RABGAP1L: variants seen among roughly 807,000 people sequenced by gnomAD.
RABGAP1L encodes the protein rab GTPase-activating protein 1-like.
A neutral mutation model predicts 137.7 loss-of-function variants in RABGAP1L; 63 were observed. The observed-to-expected ratio is 0.46, with a 90% confidence interval of 0.37 to 0.56. The LOEUF (loss-of-function observed/expected upper bound fraction) is 0.56. RABGAP1L is among the 20% of genes least tolerant of loss of function. The probability of loss-of-function intolerance (pLI) is 0.00; values close to 1 mark genes in which losing one functional copy is unlikely to be tolerated. For synonymous variants in RABGAP1L, 431 were observed against 433.7 expected, an observed-to-expected ratio of 0.99 and a Z score of 0.08; for missense variants, 1,095 against 1,244.0, an observed-to-expected ratio of 0.88 and a Z score of 1.80.
At chr1:174,428,368 C>T (rs1040082608) in intron 13 of RABGAP1L, among the ~76,000 whole-genome samples, 2 of 152,062 alleles carry the variant, frequency 1.3e-5, no homozygotes, top group Admixed American at 1.3e-4. Flanking sequence ...GAGGGCATAA[C>T]AGTTAAGACA....
chr1:174,444,750 A>G (rs1654546586), intron 13 of RABGAP1L, among the ~76,000 whole-genome samples: 1 of 152,050 alleles, frequency 6.6e-6, no homozygotes, highest in Non-Finnish European at 1.5e-5. Context: ...ACAAGTCTCC[A>G]ATGATCCTTT....
At chr1:174,626,378 C>T (rs962516686) in intron 13 of RABGAP1L, among the ~76,000 whole-genome samples, 9 of 152,226 alleles carry the variant, frequency 5.9e-5, no homozygotes, top group African/African-American at 2.2e-4. Flanking sequence ...CCAGCACTTC[C>T]TTCAAGAACA....
chr1:174,318,045 G>GTT (rs60940580), intron 11 of RABGAP1L, among the ~76,000 whole-genome samples: 2,894 of 144,826 alleles, frequency 0.02, 54 homozygotes, highest in African/African-American at 0.05. Flanking sequence ...GTTCAGGACT[G>GTT]TTTTTTTTTT....
chr1:174,694,445 C>A (rs1274829985), intron 15 of RABGAP1L, among the ~76,000 whole-genome samples: 1 of 150,238 alleles, frequency 6.7e-6, no homozygotes. Flanking sequence ...GGAGAATATG[C>A]GGTGTTTGGT....
At chr1:174,532,252 A>G (rs1572196412) in intron 13 of RABGAP1L, among the ~76,000 whole-genome samples, 1 of 151,104 alleles carries the variant, frequency 6.6e-6, no homozygotes, top group Non-Finnish European at 1.5e-5. Flanking sequence ...TCTGTCACCC[A>G]GGCTGGAGTG....
At chr1:174,966,154 A>G (rs1332018281) in intron 20 of RABGAP1L, among the ~76,000 whole-genome samples, 1 of 152,204 alleles carries the variant, frequency 6.6e-6, no homozygotes, top group East Asian at 1.9e-4. Flanking sequence ...TAAGCATGTA[A>G]TTGTAACCTG....
At chr1:174,614,011 A>T (rs1671534875) in intron 13 of RABGAP1L, among the ~76,000 whole-genome samples, 3 of 152,162 alleles carry the variant, frequency 2.0e-5, no homozygotes, top group Non-Finnish European at 1.5e-5. Flanking sequence ...CTCTTTATCC[A>T]ATTTGCCAGT....
chr1:174,786,725 C>T (rs1370668456), intron 18 of RABGAP1L, among the ~76,000 whole-genome samples: 1 of 152,170 alleles, frequency 6.6e-6, no homozygotes, highest in African/African-American at 2.4e-5. Flanking sequence ...AAACATTGCA[C>T]TTGCTTTCAT....
chr1:174,642,705 T>G (rs953469735), intron 14 of RABGAP1L, among the ~76,000 whole-genome samples: 5 of 143,812 alleles, frequency 3.5e-5, no homozygotes, highest in African/African-American at 1.3e-4. Context: ...CTCTCTCTCT[T>G]TTCTTTTTCT....
At chr1:174,865,006 A>G (rs1383141204) in intron 19 of RABGAP1L, among the ~76,000 whole-genome samples, 1 of 152,148 alleles carries the variant, frequency 6.6e-6, no homozygotes, top group Non-Finnish European at 1.5e-5. Context: ...GGTCCCAGCT[A>G]CTTGGGAGGC....
chr1:174,988,981 AT>A, intron 25 of RABGAP1L, 143 bp downstream of exon 25: 1 of 535,078 alleles, frequency 1.9e-6, no homozygotes, highest in Non-Finnish European at 2.9e-6. Flanking sequence ...GCATAATCAC[AT>A]TTTATATCAT....
At chr1:174,500,080 CT>C (rs1314254264) in intron 13 of RABGAP1L, among the ~76,000 whole-genome samples, 5,112 of 135,476 alleles carry the variant, frequency 0.038, 94 homozygotes, top group Middle Eastern at 0.098. Flanking sequence ...CAGGCTTCTT[CT>C]TTTTTTTTTT....
chr1:174,665,309 C>G (rs990171213), intron 14 of RABGAP1L, among the ~76,000 whole-genome samples: 1 of 151,908 alleles, frequency 6.6e-6, no homozygotes. Flanking sequence ...TTTTTTAGTG[C>G]CTTAGTCTGC....
intron 19 of RABGAP1L, chr1:174,897,806 A>T (rs1279024264): frequency 2.0e-5 from 3 of 152,064 alleles, no homozygotes; most frequent in African/African-American, 4.8e-5. Context: ...CCTGGACAAC[A>T]TAGTGAAACC....
chr1:174,651,870 C>A (rs1385548015), intron 14 of RABGAP1L, among the ~76,000 whole-genome samples: 1 of 152,098 alleles, frequency 6.6e-6, no homozygotes, highest in East Asian at 1.9e-4. Flanking sequence ...GAATTTGATC[C>A]TGTCATTATG....
At chr1:174,731,849 T>C (rs1156855229) in intron 17 of RABGAP1L, among the ~76,000 whole-genome samples, 1 of 152,222 alleles carries the variant, frequency 6.6e-6, no homozygotes, top group African/African-American at 2.4e-5. Context: ...ACTTATTCAA[T>C]CTGTTCTTAT....
At chr1:174,807,626 A>T (rs1331216642) in intron 18 of RABGAP1L, among the ~76,000 whole-genome samples, 2 of 152,200 alleles carry the variant, frequency 1.3e-5, no homozygotes, top group Non-Finnish European at 2.9e-5. Flanking sequence ...AACCCATCAG[A>T]ATCAAAGTAG....
intron 13 of RABGAP1L, among the ~76,000 whole-genome samples, chr1:174,622,964 A>G (rs1477695458): frequency 6.6e-6 from 1 of 152,194 alleles, no homozygotes; most frequent in Non-Finnish European, 1.5e-5. Context: ...GTGGTACTTT[A>G]TGAAAAGGAA....
intron 14 of RABGAP1L, among the ~76,000 whole-genome samples, chr1:174,677,229 G>T (rs1392378045): frequency 6.6e-6 from 1 of 152,112 alleles, no homozygotes; most frequent in African/African-American, 2.4e-5. Context: ...GGCTAAGGTG[G>T]GAGAATCTTT....
Sources: allele counts gnomAD v4.1 joint callset (sites outside exome capture counted in the v4.1 genomes callset), GRCh38; gene constraint gnomAD v4.1.1; transcripts MANE v1.5; gene names NCBI Gene and HGNC (gene_info 2026-07-23, HGNC 2026-07-21).